Variants in FARP2 observed in about 807,000 individuals in gnomAD.
FARP2 encodes the protein FERM, ARHGEF and pleckstrin domain-containing protein 2.
FARP2 carries 111 observed loss-of-function variants against 130.5 expected under a neutral mutation model. The ratio of observed to expected loss-of-function variants is 0.85; its 90% CI spans 0.73 to 1.00. The LOEUF (loss-of-function observed/expected upper bound fraction) is 1.00. FARP2 is among the 50% of genes least tolerant of loss of function. The pLI, the probability that FARP2 is intolerant of heterozygous loss-of-function variation, is 0.00. For synonymous variants in FARP2, 504 were observed against 516.9 expected (o/e 0.98, Z 0.34); for missense variants, 1,385 against 1,346.3 (o/e 1.03, Z -0.45).
At chr2:241,380,693 TATTATATTATATGGG>T (rs1158377348) in intron 2 of FARP2, among the ~76,000 whole-genome samples, 1 of 99,234 alleles carries the variant, frequency 1.0e-5, no homozygotes, top group African/African-American at 3.3e-5. Flanking sequence ...AATAATAATA[TATTATATTATATGGG>T]ATTATATTAT....
At chr2:241,374,350 C>T (rs1443799429) in intron 2 of FARP2, among the ~76,000 whole-genome samples, 1 of 152,192 alleles carries the variant, frequency 6.6e-6, no homozygotes, top group Admixed American at 6.5e-5. Context: ...ATATGTAATA[C>T]ACAAATACAT....
In FARP2 at chr2:241,484,306, G is replaced by T. The variant is rs750056840; in HGVS notation, c.2396G>T (p.Gly799Val). The T allele has an allele frequency of 3.6e-5, 58 of 1,614,016 alleles. No individual in the cohort carries two copies. The highest frequency in any genetic ancestry group is 4.6e-5 in the Non-Finnish European group (54 of 1,179,996). The change falls in exon 21 of 27, where the codon GGC becomes GTC. Residue 799 changes from glycine (G) to valine (V), a missense_variant. Gly to Val is a moderately radical substitution (Grantham distance 109). Transcript: ENST00000264042. ...GGGACCAGCCACTTCCGGATCCGGG[G>T]CCTCCTTCCCCTCCAAGGCATGCTG... ...VAGTSHFRIR[G>V]LLPLQGMLVE...
chr2:241,444,712 C>A (rs1424478491), intron 13 of FARP2: 2 of 152,190 alleles, frequency 1.3e-5, no homozygotes, highest in Admixed American at 6.5e-5. Context: ...TTCTACTAGG[C>A]CTCCTATAAA....
rs750441384 is a variant in FARP2, at chr2:241,434,950, CTT to C, written c.1032-10_1032-9del. 7.3e-6 allele frequency: 11 copies of C among 1,501,322 alleles called. No individual in the cohort carries two copies. Among genetic ancestry groups the C allele is most frequent in the Non-Finnish European group, 1.0e-5 (11 of 1,088,380 alleles). 93.0% of individuals were successfully genotyped at this position (1,501,322 alleles called of 1,614,324 possible). A position where few individuals can be genotyped will look rare whatever the true frequency, so the allele number is the denominator to read the frequency against. On this transcript the variant is annotated splice_polypyrimidine_tract_variant and intron_variant, in intron 10 of 26. Transcript: ENST00000264042. ...ACTGTTCTTTATTAAAAATCTGAAT[CTT>C]TATTCACAGTGGAAGAACTCAGAAA...
chr2:241,381,838 A>T (rs2061669885), intron 2 of FARP2, among the ~76,000 whole-genome samples: 1 of 152,230 alleles, frequency 6.6e-6, no homozygotes, highest in Non-Finnish European at 1.5e-5. Context: ...GCAGCATCTC[A>T]GCTTTCTGGG....
chr2:241,424,784 G>A (rs1442891815), intron 8 of FARP2, among the ~76,000 whole-genome samples: 1 of 152,060 alleles, frequency 6.6e-6, no homozygotes, highest in Non-Finnish European at 1.5e-5. Flanking sequence ...CTGAACCCAC[G>A]GAAATATAAA....
chr2:241,431,851 G>A (rs1462024613), intron 9 of FARP2, 77 bp downstream of exon 9: 13 of 426,056 alleles, frequency 3.1e-5, no homozygotes, highest in East Asian at 2.5e-4. Flanking sequence ...ACGGAGTTTC[G>A]CTCTTGTTGC....
At chr2:241,431,547 A>C (rs1324382016) in intron 8 of FARP2, 132 bp from the exon 9 acceptor site, 7 of 598,510 alleles carry the variant, frequency 1.2e-5, no homozygotes, top group Non-Finnish European at 2.1e-5. Flanking sequence ...TAAGTCAGCT[A>C]TCTCAGATAT....
intron 7 of FARP2, among the ~76,000 whole-genome samples, chr2:241,416,809 T>G (rs1000899013): frequency 3.3e-5 from 5 of 152,140 alleles, no homozygotes; most frequent in African/African-American, 1.2e-4. Context: ...CTCAGGAGAC[T>G]GAGGCGAAAG....
intron 14 of FARP2, among the ~76,000 whole-genome samples, chr2:241,461,641 C>T (rs745348484): frequency 6.6e-6 from 1 of 152,226 alleles, no homozygotes; most frequent in Non-Finnish European, 1.5e-5. Flanking sequence ...GACACCCTCA[C>T]AGGGGCAGGG....
chr2:241,486,461 C>CAAA (rs56961097), intron 21 of FARP2, among the ~76,000 whole-genome samples: 3 of 50,018 alleles, frequency 6.0e-5, no homozygotes, highest in Non-Finnish European at 6.6e-5. Flanking sequence ...GACCTCGTCT[C>CAAA]AAAAAAAAAA....
chr2:241,459,629 G>C lies in FARP2; in HGVS notation c.1587+2707G>C, dbSNP rs1187597346. ...TGGGCACATAGACCCTTCATGTGGG[G>C]ACAGGTGGCGAAGCTCACAGGAATT... On this transcript the variant is annotated intron_variant, in intron 14 of 26. Coordinates refer to ENST00000264042, the MANE Select transcript of FARP2 (RefSeq NM_014808.4). This position sits in a 1 kb window ranked among gnomAD's most constrained non-coding sequence, Gnocchi z 5.3. Among the ~76,000 whole-genome samples the C allele has an allele frequency of 6.6e-6, 1 of 152,234 alleles. No individual in the cohort carries two copies. Among genetic ancestry groups the C allele is most frequent in the Non-Finnish European group, 1.5e-5 (1 of 68,038 alleles).
intron 2 of FARP2, among the ~76,000 whole-genome samples, chr2:241,392,815 T>C (rs2061937898): frequency 6.6e-6 from 1 of 151,760 alleles, no homozygotes; most frequent in Non-Finnish European, 1.5e-5. Context: ...TGGTGATGTA[T>C]GCCTGTAATC....
At chr2:241,379,963 T>C (rs908368544) in intron 2 of FARP2, among the ~76,000 whole-genome samples, 1 of 152,266 alleles carries the variant, frequency 6.6e-6, no homozygotes, top group South Asian at 2.1e-4. Context: ...TTTTTATTCT[T>C]AGTTTTCCAG....
At chr2:241,404,886 T>C in intron 4 of FARP2, 45 bp downstream of exon 4, 1 of 1,443,904 alleles carries the variant, frequency 6.9e-7, no homozygotes, top group Non-Finnish European at 9.8e-7. Context: ...GTTTAAGATG[T>C]GTTGTCCTGG....
At chr2:241,389,815 A>G (rs560056355) in intron 2 of FARP2, among the ~76,000 whole-genome samples, 2 of 152,328 alleles carry the variant, frequency 1.3e-5, no homozygotes, top group African/African-American at 2.4e-5. Context: ...TTGATCACCC[A>G]TCTTTGAAGC....
intron 2 of FARP2, among the ~76,000 whole-genome samples, chr2:241,383,604 CAA>C (rs2061712414): frequency 6.6e-6 from 1 of 152,116 alleles, no homozygotes; most frequent in Non-Finnish European, 1.5e-5. Flanking sequence ...CAGGTCAGGA[CAA>C]GAGGGGAGCC....
chr2:241,440,298 A>T (rs959688069), intron 12 of FARP2, among the ~76,000 whole-genome samples: 3 of 152,202 alleles, frequency 2.0e-5, no homozygotes, highest in African/African-American at 7.2e-5. Context: ...ATAGTAAGGG[A>T]TGTCCCCAAA....
intron 13 of FARP2, chr2:241,444,032 A>C (rs1312467650): frequency 6.6e-6 from 1 of 152,264 alleles, no homozygotes; most frequent in African/African-American, 2.4e-5. Context: ...TTTGTGGCTA[A>C]CCACATCAGG....
Sources: allele counts gnomAD v4.1 joint callset (sites outside exome capture counted in the v4.1 genomes callset), GRCh38; gene constraint gnomAD v4.1.1; non-coding constraint Gnocchi (gnomAD v3.1); transcripts MANE v1.5; gene names NCBI Gene and HGNC (gene_info 2026-07-23, HGNC 2026-07-21).